The following DLEC1 variants were observed in gnomAD, a reference collection of about 807,000 sequenced individuals.
DLEC1 encodes DLEC1 cilia and flagella associated protein.
A neutral mutation model predicts 198.1 loss-of-function variants in DLEC1; 146 were observed. The ratio of observed to expected loss-of-function variants is 0.74; its 90% CI spans 0.64 to 0.85. The LOEUF is 0.85. Among genes scored for constraint, DLEC1 ranks in the 40% least tolerant of loss-of-function variants. The pLI, the probability that DLEC1 is intolerant of heterozygous loss-of-function variation, is 0.00. For synonymous variants in DLEC1, 897 were observed against 866.8 expected (o/e 1.03, Z -0.61); for missense variants, 2,233 against 2,220.0 (o/e 1.01, Z -0.12).
intron 6 of DLEC1, among the ~76,000 whole-genome samples, chr3:38,076,810 T>G (rs1697649938): frequency 6.6e-6 from 1 of 152,100 alleles, no homozygotes; most frequent in Admixed American, 6.5e-5. Flanking sequence ...GCAAAAATTT[T>G]GGGGGATGGT....
Position 38,045,589 on chromosome 3 carries a change from A to G in DLEC1, c.458A>G (p.Glu153Gly). The G allele has an allele frequency of 6.2e-7, 1 of 1,614,074 alleles. No homozygotes were observed. Among genetic ancestry groups the G allele is most frequent in the Admixed American group, 1.7e-5 (1 of 59,996 alleles). ...CGGCTGGATGAGTTTGAAATGTTGG[A>G]GAGACATATCACTCAGGCCCAAGCA... ...KQRLDEFEML[E>G]RHITQAQARA... is the part of the protein sequence containing the mutation. Residue 153 changes from glutamate (E) to glycine (G), a missense_variant, in exon 2 of 37, where the codon GAG (glutamate) becomes GGG (glycine). Transcript: ENST00000308059.
At chr3:38,081,688 C>T (rs1343204604) in intron 6 of DLEC1, among the ~76,000 whole-genome samples, 16 of 68,424 alleles carry the variant, frequency 2.3e-4, no homozygotes, top group East Asian at 7.8e-4. Context: ...ATCTCCCTCC[C>T]GGACGGGGTG....
chr3:38,059,661 C>T (rs780657980), intron 2 of DLEC1, 81 bp from the exon 3 acceptor site: 79 of 1,168,250 alleles, frequency 6.8e-5, no homozygotes, highest in Non-Finnish European at 8.8e-5. Flanking sequence ...TTAGGCTTGG[C>T]GGATGAAGAA....
In DLEC1 at chr3:38,112,983, T is replaced by C. The variant is rs1699968429; in HGVS notation, c.3666+622T>C. ...TTTAGTAAATTGAACAGATTAATTA[T>C]AGTAGATATTTGCTTTAAATTGTGT... On this transcript the variant is annotated intron_variant, in intron 25 of 36. Coordinates refer to ENST00000308059, the MANE Select transcript of DLEC1 (RefSeq NM_007335.4). This position sits in a 1 kb window ranked among gnomAD's most constrained non-coding sequence, Gnocchi z 4.8. Among the ~76,000 whole-genome samples the C allele has an allele frequency of 6.6e-6, 1 of 152,350 alleles. No homozygotes were observed. Among genetic ancestry groups the C allele is most frequent in the East Asian group, 1.9e-4 (1 of 5,188 alleles).
chr3:38,102,328 C>T (rs902411990), intron 19 of DLEC1, among the ~76,000 whole-genome samples: 1 of 152,180 alleles, frequency 6.6e-6, no homozygotes, highest in Non-Finnish European at 1.5e-5. Flanking sequence ...CATGTACCCG[C>T]CCCTTCCCCT....
At chr3:38,049,085 A>C (rs1444320141) in intron 2 of DLEC1, among the ~76,000 whole-genome samples, 1 of 130,498 alleles carries the variant, frequency 7.7e-6, no homozygotes, top group African/African-American at 3.0e-5. Flanking sequence ...TTTTTTTTTT[A>C]ATGAAAGTGA....
chr3:38,071,689 G>A (rs996388379), intron 6 of DLEC1, among the ~76,000 whole-genome samples: 1 of 152,200 alleles, frequency 6.6e-6, no homozygotes, highest in Admixed American at 6.5e-5. Flanking sequence ...GCCTTTTGAT[G>A]CCTCTTGCAG....
intron 29 of DLEC1, 31 bp from the exon 30 acceptor site, chr3:38,116,944 G>A (rs372651142): frequency 5.1e-5 from 83 of 1,613,020 alleles, no homozygotes; most frequent in Non-Finnish European, 6.7e-5. Context: ...GTGGGCATGG[G>A]ACAGTGCTAA....
At chr3:38,063,260 C>A (rs1696793753) in intron 5 of DLEC1, among the ~76,000 whole-genome samples, 1 of 152,178 alleles carries the variant, frequency 6.6e-6, no homozygotes, top group Admixed American at 6.5e-5. Context: ...AAACTATTAA[C>A]ATTTCTTTAT....
chr3:38,043,178 G>A (rs947291511), intron 1 of DLEC1, among the ~76,000 whole-genome samples: 3 of 152,132 alleles, frequency 2.0e-5, no homozygotes, highest in African/African-American at 7.2e-5. Flanking sequence ...CCATCTATAG[G>A]ACCTTGGGTG....
At chr3:38,093,018 C>T (rs1559439276) in intron 11 of DLEC1, 138 bp downstream of exon 11, 3 of 811,212 alleles carry the variant, frequency 3.7e-6, no homozygotes, top group Non-Finnish European at 6.0e-6. Context: ...GCTGCAGCCT[C>T]CAGGTGCCAG....
At chr3:38,105,499 T>G (rs1021043892) in intron 19 of DLEC1, among the ~76,000 whole-genome samples, 1 of 152,180 alleles carries the variant, frequency 6.6e-6, no homozygotes, top group Non-Finnish European at 1.5e-5. Flanking sequence ...CTAATTTATC[T>G]TTTTATAATT....
intron 6 of DLEC1, among the ~76,000 whole-genome samples, chr3:38,072,268 G>C (rs1413205332): frequency 6.6e-6 from 1 of 152,192 alleles, no homozygotes; most frequent in East Asian, 1.9e-4. Flanking sequence ...TGCGTCAGGT[G>C]TGAGGAAGAA....
intron 14 of DLEC1, among the ~76,000 whole-genome samples, 174 bp from the exon 15 acceptor site, chr3:38,096,395 C>T (rs1360427111): frequency 1.3e-5 from 2 of 152,132 alleles, no homozygotes; most frequent in South Asian, 2.1e-4. Flanking sequence ...TCACAGCCAT[C>T]GGTGCTTATC....
Position 38,116,016 on chromosome 3 carries a change from C to T in DLEC1, c.3857-437C>T, listed in dbSNP as rs957013414. On this transcript the variant is annotated intron_variant, in intron 27 of 36. Transcript: ENST00000308059. ...GGGAGATACGAGGATGCTGGCAAGACAGAGGTGGACATGGCGGCCCCCAAA... is the reference window on the plus strand; with the variant it reads ...GGGAGATACGAGGATGCTGGCAAGATAGAGGTGGACATGGCGGCCCCCAAA... 2.0e-5 allele frequency among the ~76,000 whole-genome samples: 3 copies of T among 152,062 alleles called. No homozygotes were observed. The East Asian group carries it at 5.8e-4, about 29-fold the overall frequency.
rs538985876 is a variant in DLEC1, at chr3:38,062,699, G to A, written c.992G>A (p.Arg331His). 2.0e-4 allele frequency: 328 copies of A among 1,613,980 alleles called. 5 individuals carry two copies. In the South Asian group the frequency reaches 3.1e-3, roughly 15 times the overall value. Residue 331 changes from arginine to histidine, a missense_variant, in exon 5 of 37, where the codon CGT becomes CAT. Arg to His is a conservative substitution (Grantham distance 29). Coordinates refer to ENST00000308059, the MANE Select transcript of DLEC1 (RefSeq NM_007335.4). ...CGGAACCACTTCCTAAAAAATCCCCGTTTTTTTCCTCCTAACACTCGATAT... is the reference window on the plus strand; with the variant it reads ...CGGAACCACTTCCTAAAAAATCCCCATTTTTTTCCTCCTAACACTCGATAT... ...ESRNHFLKNP[R>H]FFPPNTRYGG...
intron 2 of DLEC1, among the ~76,000 whole-genome samples, chr3:38,048,531 C>G (rs573065822): frequency 6.6e-6 from 1 of 152,210 alleles, no homozygotes; most frequent in Non-Finnish European, 1.5e-5. Flanking sequence ...TAAATCCTCC[C>G]GACAACCCTG....
intron 18 of DLEC1, among the ~76,000 whole-genome samples, chr3:38,098,297 C>T (rs9836370): frequency 0.12 from 18,313 of 152,200 alleles, 1,532 homozygotes; most frequent in African/African-American, 0.23. Context: ...TCCCAGGGAT[C>T]TGCTACCAGA....
chr3:38,050,625 C>T (rs917945967), intron 2 of DLEC1, among the ~76,000 whole-genome samples: 24 of 152,296 alleles, frequency 1.6e-4, no homozygotes, highest in East Asian at 7.7e-4. Context: ...TTCATCTACA[C>T]ATGAGGGGTC....
Sources: gnomAD v4.1 joint callset for allele counts (sites outside exome capture counted in the v4.1 genomes callset) on GRCh38, gnomAD v4.1.1 for gene constraint, Gnocchi (gnomAD v3.1) non-coding constraint, MANE v1.5 for transcripts, NCBI Gene and HGNC (gene_info 2026-07-23, HGNC 2026-07-21) for gene names.